COLEC10: variants seen among roughly 807,000 people sequenced by gnomAD.
The protein encoded by COLEC10 is collectin-10.
Under a neutral mutation model 28.4 loss-of-function variants are expected in COLEC10, and 22 were observed. That is an observed-to-expected ratio of 0.78 (90% CI 0.55 to 1.11). COLEC10 has a LOEUF of 1.11. COLEC10 is among the 50% of genes least tolerant of loss of function. COLEC10 has a pLI of 0.00. For missense variants in COLEC10, 361 were observed against 344.1 expected (o/e 1.05, Z -0.39); for synonymous variants, 125 against 116.1 (o/e 1.08, Z -0.49).
rs200248035 is a variant in COLEC10 at position 119,102,210 on chromosome 8, TCCTCCCTCCCTC to T, written c.293-116_293-105del. On this transcript the variant is annotated intron_variant, in intron 3 of 5. Transcript: ENST00000332843. Reference sequence around the variant, plus strand: ...TGACTCTAGATGTAAATTCACTCCTTCCTCCCTCCCTCCCTCCCTCCCTCCCTCCCTCCTTCC... The same window carrying T: ...TGACTCTAGATGTAAATTCACTCCTTCCTCCCTCCCTCCCTCCCTCCTTCC... The T allele has an allele frequency of 4.3e-4, 63 of 146,420 alleles. 2 individuals carry two copies. The highest frequency in any genetic ancestry group is 2.1e-3 in the East Asian group (12 of 5,652). 9.1% of individuals were successfully genotyped at this position (146,420 alleles called of 1,614,324 possible). A position where few individuals can be genotyped will look rare whatever the true frequency, so the allele number is the denominator to read the frequency against.
At chr8:119,073,232 G>A (rs569275527) in intron 1 of COLEC10, among the ~76,000 whole-genome samples, 1 of 152,326 alleles carries the variant, frequency 6.6e-6, no homozygotes, top group African/African-American at 2.4e-5. Context: ...GATTTTTGGA[G>A]CAGGCATTGT....
the COLEC10 span, among the ~76,000 whole-genome samples, chr8:118,966,895 G>A: frequency 6.6e-5 from 10 of 152,090 alleles, no homozygotes; most frequent in Admixed American, 5.2e-4. Flanking sequence ...CTGCTGTGAT[G>A]TGTCAAGCCA....
chr8:119,071,120 G>A (rs186765794), intron 1 of COLEC10, among the ~76,000 whole-genome samples: 1 of 152,288 alleles, frequency 6.6e-6, no homozygotes, highest in East Asian at 1.9e-4. Flanking sequence ...TTAAAAAAAT[G>A]TACAGGGCAA....
At chr8:119,023,650 A>G (rs1814135908) in intron 2 of COLEC10, among the ~76,000 whole-genome samples, 1 of 152,186 alleles carries the variant, frequency 6.6e-6, no homozygotes, top group Non-Finnish European at 1.5e-5. Flanking sequence ...GAAAGAGTGA[A>G]TAACAGTAAG....
chr8:118,982,963 C>T, the COLEC10 span: 1 of 152,182 alleles, frequency 6.6e-6, no homozygotes, highest in Non-Finnish European at 1.5e-5. Context: ...ATTTAGCCAG[C>T]TAGCCATGTG....
chr8:119,058,331 T>C (rs1221864871), intron 2 of COLEC10, among the ~76,000 whole-genome samples: 1 of 152,056 alleles, frequency 6.6e-6, no homozygotes, highest in Non-Finnish European at 1.5e-5. Context: ...TTTAGTATGC[T>C]TATATAGTTG....
chr8:119,090,892 G>T (rs1470760266), intron 2 of COLEC10, among the ~76,000 whole-genome samples: 2 of 152,128 alleles, frequency 1.3e-5, no homozygotes, highest in Non-Finnish European at 2.9e-5. Flanking sequence ...CTCTGCCATA[G>T]TCATTCTAGA....
intron 2 of COLEC10, among the ~76,000 whole-genome samples, chr8:119,019,750 G>A (rs1388646639): frequency 1.3e-5 from 2 of 152,074 alleles, no homozygotes; most frequent in Non-Finnish European, 2.9e-5. Context: ...ATCCACTAGG[G>A]CAGGAATTGC....
At chr8:119,096,427 A>AGTCACAGAGTTTATGT (rs1473630587) in intron 3 of COLEC10, among the ~76,000 whole-genome samples, 10 of 152,038 alleles carry the variant, frequency 6.6e-5, no homozygotes, top group Non-Finnish European at 1.2e-4. Context: ...CCCCATCTCT[A>AGTCACAGAGTTTATGT]CTAAAAATGC....
chr8:119,022,631 T>C (rs6996754), intron 2 of COLEC10, among the ~76,000 whole-genome samples: 97,869 of 151,802 alleles, frequency 0.64, 32,576 homozygotes, highest in African/African-American at 0.81. Context: ...TTTCCCACCT[T>C]CTCTTCTACC....
chr8:118,980,535 C>T, the COLEC10 span, among the ~76,000 whole-genome samples: 1 of 151,784 alleles, frequency 6.6e-6, no homozygotes, highest in Non-Finnish European at 1.5e-5. Flanking sequence ...TTTTTTATAC[C>T]TGTCATCAAG....
chr8:119,001,743 A>G (rs1018790525), intron 1 of COLEC10, among the ~76,000 whole-genome samples: 2 of 152,140 alleles, frequency 1.3e-5, no homozygotes, highest in African/African-American at 2.4e-5. Flanking sequence ...CAGTAATTCT[A>G]AAAGTAAAAG....
At chr8:119,049,740 G>A (rs1347605863) in intron 2 of COLEC10, among the ~76,000 whole-genome samples, 2 of 151,904 alleles carry the variant, frequency 1.3e-5, no homozygotes, top group Non-Finnish European at 2.9e-5. Context: ...ACTTATTATA[G>A]GCTACATTAT....
rs115252786 is a variant in COLEC10, at chr8:119,001,184, G to T, written n.122+5611G>T. Among the ~76,000 whole-genome samples the T allele has an allele frequency of 3.5e-3, 529 of 152,206 alleles. 1 individual carries two copies. The highest frequency in any genetic ancestry group is 0.012 in the African/African-American group (492 of 41,532). ...TAATCATTGCATTTTGAATTTTAGT[G>T]TCATAGTGGAAAAATTTGAGAAAGC... On this transcript the variant is annotated intron_variant and non_coding_transcript_variant, in intron 1 of 6. Transcript: ENST00000521788.
chr8:118,974,335 G>A, the COLEC10 span, among the ~76,000 whole-genome samples: 1 of 151,934 alleles, frequency 6.6e-6, no homozygotes, highest in Non-Finnish European at 1.5e-5. Flanking sequence ...TAAGAGAAAT[G>A]TAAGCACTTA....
rs1019314659 is a variant in COLEC10, at chr8:119,022,582, GT to G, written n.235+13036del. ...ATCTCCCAGGAAATTATTTTGACCT[GT>G]TTTTTTCAAAATAGATCTAGAAAGT... On this transcript the variant is annotated intron_variant and non_coding_transcript_variant, in intron 2 of 6. Transcript: ENST00000521788. Among the ~76,000 whole-genome samples, 6 of 151,996 alleles carry G rather than the reference GT, an allele frequency of 3.9e-5. No individual in the cohort carries two copies. In the East Asian group the frequency reaches 1.2e-3, roughly 29 times the overall value.
chr8:119,104,183 A>G (rs563777437), intron 5 of COLEC10, among the ~76,000 whole-genome samples: 1 of 152,300 alleles, frequency 6.6e-6, no homozygotes, highest in South Asian at 2.1e-4. Context: ...TGCTGTAAGA[A>G]TAAAAAGAGA....
intron 1 of COLEC10, among the ~76,000 whole-genome samples, chr8:118,998,808 C>T (rs112769370): frequency 0.017 from 2,413 of 143,236 alleles, 60 homozygotes; most frequent in African/African-American, 0.061. Context: ...GATCGTGCCA[C>T]TGCACTCCAG....
chr8:119,017,584 A>G (rs1444747572), intron 2 of COLEC10, among the ~76,000 whole-genome samples: 2 of 152,170 alleles, frequency 1.3e-5, no homozygotes, highest in East Asian at 3.9e-4. Flanking sequence ...CATACTGACT[A>G]ACCTCTTATT....
Sources: allele counts gnomAD v4.1 joint callset (sites outside exome capture counted in the v4.1 genomes callset), GRCh38; gene constraint gnomAD v4.1.1; transcripts MANE v1.5; gene names NCBI Gene and HGNC (gene_info 2026-07-23, HGNC 2026-07-21).